FSTL4: variants seen among roughly 807,000 people sequenced by gnomAD.
The protein encoded by FSTL4 is follistatin like 4, also known as follistatin-related protein 4.
A neutral mutation model predicts 78.2 loss-of-function variants in FSTL4; 28 were observed. That is an observed-to-expected ratio of 0.36 (90% CI 0.27 to 0.49). The LOEUF (loss-of-function observed/expected upper bound fraction) is 0.49. Among genes scored for constraint, FSTL4 ranks in the 20% least tolerant of loss-of-function variants. The pLI is 0.98. For missense variants in FSTL4, 922 were observed against 1,084.9 expected (o/e 0.85, Z 2.11); for synonymous variants, 422 against 440.5 (o/e 0.96, Z 0.53).
At chr5:133,492,629 T>C (rs1226298682) in intron 3 of FSTL4, among the ~76,000 whole-genome samples, 1 of 152,194 alleles carries the variant, frequency 6.6e-6, no homozygotes, top group East Asian at 1.9e-4. Flanking sequence ...TTTTTATCTT[T>C]GGTATTCTGC....
intron 2 of FSTL4, among the ~76,000 whole-genome samples, chr5:133,572,544 AC>A (rs1325316769): frequency 1.3e-5 from 2 of 152,194 alleles, no homozygotes; most frequent in Non-Finnish European, 2.9e-5. Flanking sequence ...TTTATAGCGA[AC>A]TTTTAAGGCA....
At chr5:133,735,969 C>T in the FSTL4 span, among the ~76,000 whole-genome samples, 1 of 152,176 alleles carries the variant, frequency 6.6e-6, no homozygotes, top group Non-Finnish European at 1.5e-5. Flanking sequence ...TGTTGAAATG[C>T]AGAGGAAGAT....
In FSTL4 at chr5:133,375,312, A is replaced by ATATATATATATATATATATATATATAT. The variant is rs1554109201; in HGVS notation, c.409+25425_409+25426insATATATATATATATATATATATATATA. ...ATGGCATATATATATATATATATATAAAAGACTCTAAAGTTACATACCAAA... is the reference window on the plus strand; with the variant it reads ...ATGGCATATATATATATATATATATATATATATATATATATATATATATATATAAAGACTCTAAAGTTACATACCAAA... On this transcript the variant is annotated intron_variant, in intron 4 of 15. Coordinates refer to ENST00000265342, the MANE Select transcript of FSTL4 (RefSeq NM_015082.2). 2.0e-3 allele frequency among the ~76,000 whole-genome samples: 269 copies of ATATATATATATATATATATATATATAT among 134,544 alleles called. 1 individual carries two copies. The highest frequency in any genetic ancestry group is 2.4e-3 in the Non-Finnish European group (149 of 60,996). 88.3% of individuals were successfully genotyped at this position (134,544 alleles called of 152,430 possible).
chr5:133,639,382 G>A, the FSTL4 span, among the ~76,000 whole-genome samples: 42,611 of 151,984 alleles, frequency 0.28, 6,306 homozygotes, highest in Non-Finnish European at 0.31. Context: ...AGAAAAGGGG[G>A]GTCTGTGGAC....
At chr5:133,489,652 A>G (rs10037867) in intron 3 of FSTL4, among the ~76,000 whole-genome samples, 1,893 of 152,262 alleles carry the variant, frequency 0.012, 40 homozygotes, top group African/African-American at 0.044. Flanking sequence ...TTTAGCACAT[A>G]GACAGCACAC....
chr5:133,631,999 G>T, the FSTL4 span, among the ~76,000 whole-genome samples: 12 of 151,824 alleles, frequency 7.9e-5, no homozygotes, highest in African/African-American at 2.4e-4. Flanking sequence ...GGTCTGTTGT[G>T]GGGTGGGGGT....
In FSTL4 at chr5:133,215,996, C is replaced by G. The variant is rs556609627; in HGVS notation, c.1608+1233G>C. On this transcript the variant is annotated intron_variant, in intron 13 of 15. Coordinates refer to ENST00000265342, the MANE Select transcript of FSTL4 (RefSeq NM_015082.2). ...TAATTGAAACACATCTGCAAAGTCC[C>G]TTTTGCTATATAAGGCGACATCCAC... Among the ~76,000 whole-genome samples, 10 of 152,272 alleles carry G rather than the reference C, an allele frequency of 6.6e-5. No homozygotes were observed. In the South Asian group the frequency reaches 1.9e-3, roughly 28 times the overall value.
intron 2 of FSTL4, among the ~76,000 whole-genome samples, chr5:133,601,715 C>T (rs1760874776): frequency 1.4e-5 from 2 of 146,728 alleles, no homozygotes; most frequent in African/African-American, 5.2e-5. Flanking sequence ...CATGGTCTCA[C>T]TCTGTCACCC....
At chr5:133,243,099 A>G (rs1490594228) in intron 7 of FSTL4, among the ~76,000 whole-genome samples, 1 of 152,214 alleles carries the variant, frequency 6.6e-6, no homozygotes, top group Admixed American at 6.5e-5. Context: ...CCATTTAGGT[A>G]TGGGGAGAAA....
At chr5:133,437,159 A>G (rs1757049183) in intron 3 of FSTL4, among the ~76,000 whole-genome samples, 1 of 152,114 alleles carries the variant, frequency 6.6e-6, no homozygotes, top group African/African-American at 2.4e-5. Context: ...TTCTGGCAGG[A>G]AGGTTAGTGA....
At chr5:133,432,606 T>C (rs1192181743) in intron 3 of FSTL4, among the ~76,000 whole-genome samples, 1 of 152,170 alleles carries the variant, frequency 6.6e-6, no homozygotes, top group Non-Finnish European at 1.5e-5. Context: ...TCAACAATTA[T>C]TTATTGGGCA....
chr5:133,679,850 C>T, the FSTL4 span, among the ~76,000 whole-genome samples: 1 of 152,038 alleles, frequency 6.6e-6, no homozygotes, highest in Non-Finnish European at 1.5e-5. Context: ...GGCAATAGCC[C>T]CTTATCTCTA....
At chr5:133,826,565 C>G in the FSTL4 span, among the ~76,000 whole-genome samples, 2 of 152,242 alleles carry the variant, frequency 1.3e-5, no homozygotes, top group African/African-American at 4.8e-5. Context: ...CACACTGCCT[C>G]CTCTTCGTGT....
chr5:133,494,031 T>C (rs394576), intron 3 of FSTL4, among the ~76,000 whole-genome samples: 2 of 152,316 alleles, frequency 1.3e-5, no homozygotes, highest in East Asian at 1.9e-4. Flanking sequence ...GTAAAAACAA[T>C]AGCATATTTA....
chr5:133,657,771 TTTTG>T, the FSTL4 span, among the ~76,000 whole-genome samples: 1 of 108,856 alleles, frequency 9.2e-6, no homozygotes, highest in Non-Finnish European at 1.8e-5. Context: ...TTTTTGTTTT[TTTTG>T]TTTTTTTTTT....
intron 6 of FSTL4, among the ~76,000 whole-genome samples, chr5:133,272,224 G>T (rs916351376): frequency 3.9e-5 from 6 of 152,218 alleles, no homozygotes; most frequent in African/African-American, 1.2e-4. Flanking sequence ...TAAAAACAGG[G>T]ACTGAAAATT....
At chr5:133,424,292 G>A (rs183592805) in intron 3 of FSTL4, among the ~76,000 whole-genome samples, 1 of 152,128 alleles carries the variant, frequency 6.6e-6, no homozygotes, top group East Asian at 1.9e-4. Flanking sequence ...AGGCCAGTTC[G>A]GAAGTTATCA....
chr5:133,603,957 A>G lies in FSTL4; in HGVS notation c.27T>C (p.His9=). ...GCAGGGAGGCTCCGAGCAGTGTGAG[A>G]TGCAGCCAAAAGCCTCCTGGTTTCA... MKPGGFWL[H]LTLLGASLPA... The change falls in exon 2 of 16, where the codon CAT becomes CAC. Residue 9 remains histidine, a synonymous_variant. Coordinates refer to ENST00000265342, the MANE Select transcript of FSTL4 (RefSeq NM_015082.2). The G allele has an allele frequency of 6.2e-7, 1 of 1,613,496 alleles. No homozygotes were observed. The highest frequency in any genetic ancestry group is 1.3e-5 in the African/African-American group (1 of 75,028).
chr5:133,556,632 A>G (rs1003632623), intron 3 of FSTL4, among the ~76,000 whole-genome samples: 4 of 152,068 alleles, frequency 2.6e-5, no homozygotes, highest in Non-Finnish European at 4.4e-5. Context: ...GAGGCTGAGG[A>G]AAGAGAATCG....
Sources: allele counts gnomAD v4.1 joint callset (sites outside exome capture counted in the v4.1 genomes callset), GRCh38; gene constraint gnomAD v4.1.1; transcripts MANE v1.5; gene names NCBI Gene and HGNC (gene_info 2026-07-23, HGNC 2026-07-21).